Variants in DAB1 observed in about 807,000 individuals in gnomAD.
DAB1 encodes the protein DAB adaptor protein 1.
A neutral mutation model predicts 64.6 loss-of-function variants in DAB1; 15 were observed. The observed-to-expected ratio is 0.23, with a 90% CI of 0.16 to 0.36. The LOEUF is 0.36. Ranked by LOEUF, DAB1 falls within the 10% of genes least tolerant of loss-of-function variation. The pLI, the probability that DAB1 is intolerant of heterozygous loss-of-function variation, is 1.00. For missense variants in DAB1, 596 were observed against 706.7 expected, an observed-to-expected ratio of 0.84 and a Z score of 1.78; for synonymous variants, 235 against 251.9, an observed-to-expected ratio of 0.93 and a Z score of 0.64.
chr1:57,469,930 A>G (rs1558410000), intron 7 of DAB1, among the ~76,000 whole-genome samples: 2 of 152,300 alleles, frequency 1.3e-5, no homozygotes, highest in Admixed American at 1.3e-4. Context: ...ATTTAACATC[A>G]TTTTCTATAC....
At chr1:58,504,054 G>A (rs1645948805) in intron 3 of DAB1, among the ~76,000 whole-genome samples, 3 of 152,076 alleles carry the variant, frequency 2.0e-5, no homozygotes. Flanking sequence ...CTCCTAAAAA[G>A]TCTCCCTGAC....
intron 1 of DAB1, among the ~76,000 whole-genome samples, chr1:57,338,552 T>G (rs1016221966): frequency 6.6e-6 from 1 of 152,178 alleles, no homozygotes; most frequent in African/African-American, 2.4e-5. Context: ...TTATGCAAGT[T>G]TCTGTTCAAA....
At chr1:57,579,214 A>G (rs534408563) in intron 7 of DAB1, among the ~76,000 whole-genome samples, 1 of 152,280 alleles carries the variant, frequency 6.6e-6, no homozygotes, top group Admixed American at 6.5e-5. Context: ...TAAAGTATAG[A>G]ATATTTGTTT....
At chr1:57,439,448 G>A (rs896248020) in intron 7 of DAB1, among the ~76,000 whole-genome samples, 4 of 26,386 alleles carry the variant, frequency 1.5e-4, no homozygotes, top group African/African-American at 7.5e-4. Flanking sequence ...TTTTTTTTTT[G>A]AGACGGAGTC....
At chr1:57,836,468 T>C (rs566620546) in intron 1 of DAB1, among the ~76,000 whole-genome samples, 2 of 152,288 alleles carry the variant, frequency 1.3e-5, no homozygotes, top group East Asian at 3.9e-4. Context: ...TCAGGATGGC[T>C]CTCTGCCTCC....
At position 57,600,480 on chromosome 1, in the gene DAB1, C is replaced by A. The variant is rs183871079; in HGVS notation, n.625+49112G>T. 2.0e-3 allele frequency among the ~76,000 whole-genome samples: 305 copies of A among 152,240 alleles called. 1 individual carries two copies. Among genetic ancestry groups the A allele is most frequent in the African/African-American group, 6.8e-3 (282 of 41,542 alleles). On this transcript the variant is annotated intron_variant and non_coding_transcript_variant, in intron 7 of 20. Transcript: ENST00000485760. ...AATAAAATCAACCAGCTACCAGGTGCCTGGGAGCAAGGGTACCATAGCCAA... is the reference window on the plus strand; with the variant it reads ...AATAAAATCAACCAGCTACCAGGTGACTGGGAGCAAGGGTACCATAGCCAA...
chr1:57,706,381 C>T (rs941129750), intron 6 of DAB1, among the ~76,000 whole-genome samples: 3 of 151,914 alleles, frequency 2.0e-5, no homozygotes, highest in Admixed American at 2.0e-4. Context: ...TCAGGGCTCA[C>T]TGCACCCTCA....
At chr1:57,271,585 G>A (rs575099726) in intron 2 of DAB1, among the ~76,000 whole-genome samples, 1 of 152,206 alleles carries the variant, frequency 6.6e-6, no homozygotes, top group African/African-American at 2.4e-5. Flanking sequence ...GCCCTCAGGG[G>A]ACATGGTCTG....
At chr1:57,987,837 TG>T (rs1646258514) in intron 5 of DAB1, among the ~76,000 whole-genome samples, 1 of 132,060 alleles carries the variant, frequency 7.6e-6, no homozygotes, top group Non-Finnish European at 1.8e-5. Flanking sequence ...AGGGTTTTTT[TG>T]TTTTTTTTGT....
intron 6 of DAB1, among the ~76,000 whole-genome samples, chr1:57,693,942 G>T (rs1646794494): frequency 6.6e-6 from 1 of 152,160 alleles, no homozygotes; most frequent in Admixed American, 6.5e-5. Context: ...TTCCTTTGCT[G>T]TGCAGGAGCT....
chr1:58,391,184 T>C (rs1644473072), intron 3 of DAB1, among the ~76,000 whole-genome samples: 1 of 152,182 alleles, frequency 6.6e-6, no homozygotes, highest in South Asian at 2.1e-4. Context: ...CCAGGCCTGC[T>C]GGCTGGGGCA....
At chr1:58,137,083 C>T (rs1387632218) in intron 5 of DAB1, among the ~76,000 whole-genome samples, 1 of 150,334 alleles carries the variant, frequency 6.7e-6, no homozygotes, top group Non-Finnish European at 1.5e-5. Context: ...CTGCTTTGGT[C>T]TCTAGAAAAA....
chr1:58,115,846 G>A (rs1325253171), intron 5 of DAB1, among the ~76,000 whole-genome samples: 1 of 115,416 alleles, frequency 8.7e-6, no homozygotes, highest in East Asian at 2.6e-4. Context: ...GGTGGGGTCG[G>A]GGGAGGGGGG....
At chr1:58,409,721 G>A (rs898386597) in intron 3 of DAB1, among the ~76,000 whole-genome samples, 8 of 152,088 alleles carry the variant, frequency 5.3e-5, no homozygotes, top group Non-Finnish European at 1.2e-4. Context: ...TGATCATTAA[G>A]GTGCCTTGTA....
At chr1:57,791,250 C>T (rs1003106263) in intron 6 of DAB1, among the ~76,000 whole-genome samples, 5 of 152,176 alleles carry the variant, frequency 3.3e-5, no homozygotes, top group Non-Finnish European at 2.9e-5. Context: ...CCTAGGCCCC[C>T]CTGTGTTGGA....
chr1:58,225,890 A>G (rs1430994544), intron 4 of DAB1, among the ~76,000 whole-genome samples: 1 of 151,606 alleles, frequency 6.6e-6, no homozygotes, highest in South Asian at 2.1e-4. Context: ...CAGCACACCA[A>G]CATGGCACAT....
Position 57,668,032 on chromosome 1 carries a change from T to A in DAB1, n.552-18367A>T, listed in dbSNP as rs192354121. On this transcript the variant is annotated intron_variant and non_coding_transcript_variant, in intron 6 of 20. Transcript: ENST00000485760. ...GTATCCCAGAACTTAAAGTAAAATT[T>A]AAAAAAAAATTTTTAAAAAGAAATA... is the stretch of plus-strand genomic sequence containing the variant. Among the ~76,000 whole-genome samples the A allele has an allele frequency of 7.2e-3, 1,087 of 151,500 alleles. 17 individuals are homozygous for A. Among genetic ancestry groups the A allele is most frequent in the African/African-American group, 0.025 (1,023 of 41,318 alleles).
intron 7 of DAB1, among the ~76,000 whole-genome samples, chr1:57,442,985 A>G (rs1258561661): frequency 6.6e-6 from 1 of 152,234 alleles, no homozygotes; most frequent in Non-Finnish European, 1.5e-5. Context: ...TATCTGCTAC[A>G]GCACTCTCCT....
chr1:57,398,391 AG>A (rs34059669), intron 1 of DAB1, among the ~76,000 whole-genome samples: 53,384 of 152,046 alleles, frequency 0.35, 9,820 homozygotes, highest in Non-Finnish European at 0.41. Context: ...TTGAAAGATA[AG>A]GAGGAGTTCA....
Sources: allele counts gnomAD v4.1 joint callset (sites outside exome capture counted in the v4.1 genomes callset), GRCh38; gene constraint gnomAD v4.1.1; transcripts MANE v1.5; gene names NCBI Gene and HGNC (gene_info 2026-07-23, HGNC 2026-07-21).